POLR3B: variants seen among roughly 807,000 people sequenced by gnomAD.
The protein encoded by POLR3B is RNA polymerase III subunit B.
In POLR3B, 96 loss-of-function variants were observed where a neutral mutation model predicts 147.4. The ratio of observed to expected loss-of-function variants is 0.65; its 90% CI spans 0.55 to 0.77. The LOEUF (loss-of-function observed/expected upper bound fraction) is 0.77. Ranked by LOEUF, POLR3B falls within the 30% of genes least tolerant of loss-of-function variation. The probability of loss-of-function intolerance (pLI) is 0.00; values close to 1 mark genes in which losing one functional copy is unlikely to be tolerated. For missense variants in POLR3B, 1,036 were observed against 1,413.5 expected (o/e 0.73, Z 4.28); for synonymous variants, 461 against 485.9 (o/e 0.95, Z 0.67).
intron 19 of POLR3B, among the ~76,000 whole-genome samples, chr12:106,444,864 G>A (rs1432363709): frequency 6.6e-6 from 1 of 152,030 alleles, no homozygotes; most frequent in Non-Finnish European, 1.5e-5. Flanking sequence ...AGAATTAAGA[G>A]GGATAAATAT....
intron 18 of POLR3B, among the ~76,000 whole-genome samples, chr12:106,444,042 C>T (rs750162987): frequency 3.3e-5 from 5 of 150,598 alleles, no homozygotes; most frequent in Non-Finnish European, 7.4e-5. Context: ...AGGATGGTCT[C>T]GATCTCTTGA....
intron 11 of POLR3B, among the ~76,000 whole-genome samples, chr12:106,406,740 TCAAC>T (rs1405082535): frequency 1.3e-5 from 2 of 152,196 alleles, no homozygotes; most frequent in African/African-American, 4.8e-5. Flanking sequence ...TAAACAGAGA[TCAAC>T]CATATTGGCA....
At chr12:106,402,125 A>C (rs979774856) in intron 10 of POLR3B, among the ~76,000 whole-genome samples, 4 of 152,096 alleles carry the variant, frequency 2.6e-5, no homozygotes, top group Admixed American at 6.6e-5. Flanking sequence ...CTCAGGATAC[A>C]AAATCAATGT....
intron 23 of POLR3B, among the ~76,000 whole-genome samples, chr12:106,483,173 G>C (rs181934498): frequency 6.6e-6 from 1 of 152,160 alleles, no homozygotes; most frequent in Non-Finnish European, 1.5e-5. Flanking sequence ...GTGGAGAAGG[G>C]CTCACATTCC....
intron 23 of POLR3B, among the ~76,000 whole-genome samples, chr12:106,465,695 G>A (rs1460117521): frequency 6.6e-6 from 1 of 152,148 alleles, no homozygotes; most frequent in Non-Finnish European, 1.5e-5. Context: ...TCCGACTTAT[G>A]AGTGAGAACA....
At chr12:106,505,265 G>A (rs1374035112) in intron 27 of POLR3B, among the ~76,000 whole-genome samples, 1 of 151,980 alleles carries the variant, frequency 6.6e-6, no homozygotes, top group African/African-American at 2.4e-5. Flanking sequence ...TTCCCCAAAA[G>A]CAAGGGGTTT....
chr12:106,449,530 T>A (rs1237517458), intron 19 of POLR3B, among the ~76,000 whole-genome samples: 1 of 152,210 alleles, frequency 6.6e-6, no homozygotes, highest in Non-Finnish European at 1.5e-5. Context: ...AACACTTATT[T>A]TGTATGTGAT....
At chr12:106,396,552 A>C (rs530667896) in intron 10 of POLR3B, among the ~76,000 whole-genome samples, 1 of 152,358 alleles carries the variant, frequency 6.6e-6, no homozygotes, top group East Asian at 1.9e-4. Context: ...ACATGTAAAT[A>C]GATCATTAAA....
chr12:106,378,637 C>T (rs552590902), intron 8 of POLR3B, among the ~76,000 whole-genome samples: 1 of 151,340 alleles, frequency 6.6e-6, no homozygotes, highest in African/African-American at 2.4e-5. Context: ...GCTTATAGAG[C>T]ATGAAAGGAG....
chr12:106,407,221 A>G (rs1048952984), intron 11 of POLR3B, among the ~76,000 whole-genome samples: 3 of 152,342 alleles, frequency 2.0e-5, no homozygotes, highest in Admixed American at 2.0e-4. Flanking sequence ...AGTAGAAACA[A>G]CAAAGGCTTT....
chr12:106,410,633 A>G (rs2037212270), intron 11 of POLR3B, 193 bp from the exon 12 acceptor site: 4 of 609,264 alleles, frequency 6.6e-6, no homozygotes, highest in Non-Finnish European at 8.8e-6. Flanking sequence ...CTCACAGGTT[A>G]CTGAGGACAA....
chr12:106,494,586 A>C (rs886284783), intron 23 of POLR3B, among the ~76,000 whole-genome samples: 6 of 152,162 alleles, frequency 3.9e-5, no homozygotes, highest in African/African-American at 1.2e-4. Context: ...GATCTCTTTC[A>C]AAGTAGATTT....
At position 106,410,907 on chromosome 12, in the gene POLR3B, A is replaced by G. The variant is rs1237770776; in HGVS notation, c.1048A>G (p.Lys350Glu). 3 of 1,613,664 alleles carry G rather than the reference A, an allele frequency of 1.9e-6. No individual in the cohort carries two copies. In the African/African-American group the frequency reaches 4.0e-5, roughly 22 times the overall value. The change falls in exon 12 of 28, where the codon AAA (lysine) becomes GAA (glutamate). Residue 350 changes from lysine (K) to glutamate (E), a missense_variant. Physicochemically the swap from Lys to Glu is moderately conservative, Grantham distance 56 (BLOSUM62 1). Coordinates refer to ENST00000228347, the MANE Select transcript of POLR3B (RefSeq NM_018082.6). ...RRVILAQGDN[K>E]VDDRDYYGNK... The stretch of plus-strand genomic sequence containing the variant: ...AGTTATTCTGGCCCAAGGAGATAAT[A>G]AAGTTGACGACAGAGATTATTATGG...
intron 12 of POLR3B, among the ~76,000 whole-genome samples, chr12:106,412,961 C>T (rs1156593264): frequency 6.6e-6 from 1 of 152,050 alleles, no homozygotes; most frequent in East Asian, 1.9e-4. Flanking sequence ...TATTCAAGTC[C>T]TTTGCCCATT....
chr12:106,371,563 G>A (rs1336866927), intron 6 of POLR3B, among the ~76,000 whole-genome samples: 1 of 150,958 alleles, frequency 6.6e-6, no homozygotes, highest in Non-Finnish European at 1.5e-5. Flanking sequence ...TGATAGACTG[G>A]ATTAAGAAAA....
chr12:106,407,318 G>C (rs929612317), intron 11 of POLR3B, among the ~76,000 whole-genome samples: 6 of 152,142 alleles, frequency 3.9e-5, no homozygotes, highest in Non-Finnish European at 8.8e-5. Flanking sequence ...CTAAGCTTCA[G>C]TTTTCTCATC....
At chr12:106,409,358 T>TTTG (rs2037191894) in intron 11 of POLR3B, among the ~76,000 whole-genome samples, 3 of 144,508 alleles carry the variant, frequency 2.1e-5, no homozygotes, top group Non-Finnish European at 3.0e-5. Flanking sequence ...TTTTTTTGTT[T>TTTG]TTTTTTTTTT....
intron 12 of POLR3B, among the ~76,000 whole-genome samples, chr12:106,414,515 T>A (rs2037275240): frequency 1.3e-5 from 2 of 152,174 alleles, no homozygotes; most frequent in Admixed American, 1.3e-4. Context: ...CAAGTTCACA[T>A]CCTTCATCTT....
At chr12:106,431,243 C>T (rs1016538563) in intron 14 of POLR3B, among the ~76,000 whole-genome samples, 10 of 152,050 alleles carry the variant, frequency 6.6e-5, no homozygotes, top group African/African-American at 1.9e-4. Context: ...TATAGAGCTG[C>T]GATTTTTAGA....
Sources: allele counts gnomAD v4.1 joint callset (sites outside exome capture counted in the v4.1 genomes callset), GRCh38; gene constraint gnomAD v4.1.1; transcripts MANE v1.5; gene names NCBI Gene and HGNC (gene_info 2026-07-23, HGNC 2026-07-21).